The following RNLS variants were observed in gnomAD, a reference collection of about 807,000 sequenced individuals.
RNLS encodes the protein renalase.
In RNLS, 39 loss-of-function variants were observed where a neutral mutation model predicts 39.8. That is an observed-to-expected ratio of 0.98 (90% confidence interval 0.76 to 1.28). The LOEUF (loss-of-function observed/expected upper bound fraction) is 1.28. Ranked by LOEUF, RNLS falls within the 50% of genes most tolerant of loss-of-function variation. The pLI, the probability that RNLS is intolerant of heterozygous loss-of-function variation, is 0.00. For missense variants in RNLS, 410 were observed against 413.3 expected, an observed-to-expected ratio of 0.99 and a Z score of 0.07; for synonymous variants, 147 against 150.7, an observed-to-expected ratio of 0.98 and a Z score of 0.18.
chr10:88,449,060 A>T (rs931332889), intron 4 of RNLS, among the ~76,000 whole-genome samples: 2 of 152,228 alleles, frequency 1.3e-5, no homozygotes, highest in East Asian at 3.8e-4. Context: ...ATGAAGAGTT[A>T]ATAGGTGCAG....
At chr10:88,385,958 T>C (rs574459296) in intron 4 of RNLS, among the ~76,000 whole-genome samples, 1 of 152,354 alleles carries the variant, frequency 6.6e-6, no homozygotes, top group African/African-American at 2.4e-5. Context: ...CAGGCCTGAT[T>C]TAATAGCCTG....
chr10:88,318,314 C>G (rs1845917737), intron 5 of RNLS, among the ~76,000 whole-genome samples: 1 of 152,210 alleles, frequency 6.6e-6, no homozygotes, highest in African/African-American at 2.4e-5. Context: ...CCACTAAAGT[C>G]TCCCTTGGGA....
chr10:88,173,863 A>G, the RNLS span, among the ~76,000 whole-genome samples: 1 of 152,294 alleles, frequency 6.6e-6, no homozygotes, highest in East Asian at 1.9e-4. Context: ...TAAGTTCCTT[A>G]GTGGTGATTT....
the RNLS span, among the ~76,000 whole-genome samples, chr10:88,207,292 T>A: frequency 6.6e-6 from 1 of 152,010 alleles, no homozygotes; most frequent in Non-Finnish European, 1.5e-5. Flanking sequence ...GTAAAGGACA[T>A]GCATACAGAT....
At chr10:88,309,215 A>G (rs1845167236) in intron 6 of RNLS, among the ~76,000 whole-genome samples, 1 of 152,170 alleles carries the variant, frequency 6.6e-6, no homozygotes, top group Non-Finnish European at 1.5e-5. Flanking sequence ...TCTGTACAAC[A>G]AACCCCTATG....
At chr10:88,456,297 A>T (rs4934409) in intron 4 of RNLS, among the ~76,000 whole-genome samples, 107,441 of 151,174 alleles carry the variant, frequency 0.71, 39,302 homozygotes, top group African/African-American at 0.89. Flanking sequence ...TACTATTACA[A>T]CTTTCCTTAA....
intron 6 of RNLS, among the ~76,000 whole-genome samples, chr10:88,297,567 G>A (rs1342219467): frequency 6.6e-6 from 1 of 152,116 alleles, no homozygotes. Context: ...TATACTGCAT[G>A]TTTCATATGA....
intron 4 of RNLS, among the ~76,000 whole-genome samples, chr10:88,375,594 C>T (rs1850927931): frequency 2.0e-5 from 3 of 152,140 alleles, no homozygotes; most frequent in Admixed American, 2.0e-4. Flanking sequence ...AGATTACCAA[C>T]AGAGAGTTCA....
chr10:88,461,302 G>A (rs1204449066), intron 4 of RNLS, among the ~76,000 whole-genome samples: 4 of 152,212 alleles, frequency 2.6e-5, no homozygotes, highest in Admixed American at 6.6e-5. Flanking sequence ...GTTGGGCTCT[G>A]CTCTCCTTGC....
chr10:88,448,473 T>C (rs982727002), intron 4 of RNLS, among the ~76,000 whole-genome samples: 4 of 152,132 alleles, frequency 2.6e-5, no homozygotes, highest in Middle Eastern at 3.2e-3. Flanking sequence ...CCAGTTAGAA[T>C]GGCGATCATT....
the RNLS span, among the ~76,000 whole-genome samples, chr10:88,223,606 T>C: frequency 0.023 from 3,482 of 152,304 alleles, 115 homozygotes; most frequent in African/African-American, 0.068. Context: ...GGAGTTCACA[T>C]GTTGCCCTTT....
chr10:88,546,558 C>T (rs945963251), intron 4 of RNLS, among the ~76,000 whole-genome samples: 3 of 151,918 alleles, frequency 2.0e-5, no homozygotes, highest in African/African-American at 4.8e-5. Context: ...GAGTTTTTTT[C>T]CTATTTTCAT....
At chr10:88,253,232 T>C in the RNLS span, among the ~76,000 whole-genome samples, 1 of 152,176 alleles carries the variant, frequency 6.6e-6, no homozygotes, top group Non-Finnish European at 1.5e-5. Flanking sequence ...GGTCTGTCTC[T>C]GGGGTAGGAG....
At chr10:88,249,759 G>T in the RNLS span, among the ~76,000 whole-genome samples, 21,133 of 152,112 alleles carry the variant, frequency 0.14, 2,088 homozygotes, top group African/African-American at 0.27. Context: ...ATGTGTGTGT[G>T]CCATTCAGCA....
chr10:88,342,795 G>A (rs1266160828), intron 5 of RNLS, among the ~76,000 whole-genome samples: 2 of 152,196 alleles, frequency 1.3e-5, no homozygotes, highest in African/African-American at 4.8e-5. Flanking sequence ...AAAAGTATGG[G>A]AGGAAAGAGA....
rs146755262 is a variant in RNLS, at chr10:88,546,367, T to G, written c.526+26536A>C. Among the ~76,000 whole-genome samples, 283 of 152,106 alleles carry G rather than the reference T, an allele frequency of 1.9e-3. 2 individuals are homozygous for G. Among genetic ancestry groups the G allele is most frequent in the African/African-American group, 6.5e-3 (272 of 41,540 alleles). On this transcript the variant is annotated intron_variant, in intron 4 of 6. Coordinates refer to ENST00000331772, the MANE Select transcript of RNLS (RefSeq NM_001031709.3). ...ATATTATTATAAAAAGAAAAAATGA[T>G]TTGCTGATCTTTCCATCTGCTTGAA...
chr10:88,476,303 A>G, intron 4 of RNLS, among the ~76,000 whole-genome samples: 1 of 152,166 alleles, frequency 6.6e-6, no homozygotes, highest in East Asian at 1.9e-4. Flanking sequence ...TGTTAAATAC[A>G]AAAATCATAT....
At chr10:88,433,699 G>T (rs1855275812) in intron 4 of RNLS, among the ~76,000 whole-genome samples, 1 of 151,996 alleles carries the variant, frequency 6.6e-6, no homozygotes, top group African/African-American at 2.4e-5. Flanking sequence ...CTAATGAAGG[G>T]AGTAAGTGAG....
At chr10:88,478,115 G>A (rs141473630) in intron 4 of RNLS, among the ~76,000 whole-genome samples, 260 of 152,236 alleles carry the variant, frequency 1.7e-3, no homozygotes, top group African/African-American at 5.4e-3. Flanking sequence ...CTATCAACAA[G>A]GACTTTAAAA....
Sources: allele counts gnomAD v4.1 joint callset (sites outside exome capture counted in the v4.1 genomes callset), GRCh38; gene constraint gnomAD v4.1.1; transcripts MANE v1.5; gene names NCBI Gene and HGNC (gene_info 2026-07-23, HGNC 2026-07-21).